The following GPRASP3 variants were observed in gnomAD, a reference collection of about 807,000 sequenced individuals.
GPRASP3 encodes the protein G protein-coupled receptor associated sorting protein 3.
chrX:102,741,611 G>A, the GPRASP3 span, among the ~76,000 whole-genome samples: 188 of 112,070 alleles, frequency 1.7e-3, 1 homozygote, highest in Non-Finnish European at 3.0e-3. Flanking sequence ...TTTTAGAGAG[G>A]CAATGCAATA....
chrX:102,736,268 T>C, the GPRASP3 span, among the ~76,000 whole-genome samples: 8,806 of 112,161 alleles, frequency 0.079, 326 homozygotes, highest in East Asian at 0.21. Context: ...ATTATTTAGG[T>C]CACATGAACT....
the GPRASP3 span, among the ~76,000 whole-genome samples, chrX:102,732,585 A>T: frequency 3.6e-5 from 4 of 112,359 alleles, no homozygotes; most frequent in African/African-American, 1.3e-4. Context: ...CTAGATTCTA[A>T]TAGTAGGTAT....
chrX:102,750,677 A>C, the GPRASP3 span: 1 of 1,069,125 alleles, frequency 9.4e-7, no homozygotes, highest in African/African-American at 1.9e-5. Context: ...CCATCTTCAA[A>C]CTCTAGCAGG....
chrX:102,736,589 C>T, the GPRASP3 span, among the ~76,000 whole-genome samples: 2 of 111,221 alleles, frequency 1.8e-5, no homozygotes, highest in Non-Finnish European at 3.8e-5. Context: ...TCCTGAATCC[C>T]CAAAAGAGAA....
At chrX:102,746,928 A>G in the GPRASP3 span, among the ~76,000 whole-genome samples, 1 of 112,157 alleles carries the variant, frequency 8.9e-6, no homozygotes, top group Middle Eastern at 4.2e-3. Context: ...GTATTTTTCC[A>G]CCTTTCTTGT....
chrX:102,723,137 T>C, the GPRASP3 span, among the ~76,000 whole-genome samples: 1 of 111,827 alleles, frequency 8.9e-6, no homozygotes, highest in African/African-American at 3.3e-5. Flanking sequence ...TTTAAAAAAT[T>C]TTAAAAATAA....
the GPRASP3 span, chrX:102,750,154 A>G: frequency 8.3e-7 from 1 of 1,209,069 alleles, no homozygotes; most frequent in Non-Finnish European, 1.1e-6. Flanking sequence ...AAAGACTGTA[A>G]TTACTCTGAA....
chrX:102,731,504 C>T, the GPRASP3 span, among the ~76,000 whole-genome samples: 19 of 110,807 alleles, frequency 1.7e-4, no homozygotes, highest in African/African-American at 4.9e-4. Context: ...GTGGCACATG[C>T]CTGCAATCCT....
chrX:102,739,096 C>G, the GPRASP3 span, among the ~76,000 whole-genome samples: 1 of 110,882 alleles, frequency 9.0e-6, no homozygotes, highest in African/African-American at 3.3e-5. Context: ...TCAGAGTGAG[C>G]AGAGGGATGA....
chrX:102,747,484 G>A, the GPRASP3 span: 8 of 111,603 alleles, frequency 7.2e-5, no homozygotes, highest in African/African-American at 2.6e-4. Flanking sequence ...ATGCACAGAT[G>A]GTATTAAAAT....
the GPRASP3 span, chrX:102,750,657 A>T: frequency 1.8e-6 from 2 of 1,133,830 alleles, no homozygotes; most frequent in Admixed American, 2.8e-5. Context: ...CAGAGATAGA[A>T]CATTTTAAGC....
the GPRASP3 span, among the ~76,000 whole-genome samples, chrX:102,724,933 G>T: frequency 4.5e-5 from 5 of 111,160 alleles, no homozygotes; most frequent in Non-Finnish European, 9.4e-5. Context: ...TACTTCAGAT[G>T]TCACTTGGCC....
the GPRASP3 span, chrX:102,750,718 G>A: frequency 4.8e-6 from 4 of 830,986 alleles, no homozygotes; most frequent in African/African-American, 8.3e-5. Flanking sequence ...ATTATACACT[G>A]CATCTTTAAC....
At chrX:102,725,426 T>C in the GPRASP3 span, among the ~76,000 whole-genome samples, 1 of 112,133 alleles carries the variant, frequency 8.9e-6, no homozygotes, top group African/African-American at 3.2e-5. Flanking sequence ...CTTTTTGAAG[T>C]CTGATACCTC....
At chrX:102,727,192 G>C in the GPRASP3 span, among the ~76,000 whole-genome samples, 1 of 112,648 alleles carries the variant, frequency 8.9e-6, no homozygotes, top group Non-Finnish European at 1.9e-5. Flanking sequence ...AGCCTTGATG[G>C]TTGTTTAATT....
the GPRASP3 span, chrX:102,748,786 C>A: frequency 2.7e-6 from 1 of 368,603 alleles, no homozygotes; most frequent in Non-Finnish European, 4.7e-6. Context: ...AATCATTCTC[C>A]CCCAGCCCGA....
the GPRASP3 span, chrX:102,747,984 C>A: frequency 8.9e-6 from 1 of 112,004 alleles, no homozygotes; most frequent in Non-Finnish European, 1.9e-5. Context: ...TAGACCAGAT[C>A]ATATCTTGGT....
the GPRASP3 span, among the ~76,000 whole-genome samples, chrX:102,744,644 G>A: frequency 8.9e-6 from 1 of 112,021 alleles, no homozygotes; most frequent in Non-Finnish European, 1.9e-5. Context: ...TTAAAATGCA[G>A]GTATTGGTAC....
At chrX:102,749,401 A>G in the GPRASP3 span, 1 of 1,211,919 alleles carries the variant, frequency 8.3e-7, no homozygotes. Context: ...TTTCAGCACT[A>G]AGAATGATAA....
Sources: gnomAD v4.1 joint callset for allele counts (sites outside exome capture counted in the v4.1 genomes callset) on GRCh38, gnomAD v4.1.1 for gene constraint, MANE v1.5 for transcripts, NCBI Gene and HGNC (gene_info 2026-07-23, HGNC 2026-07-21) for gene names.